The following ADGRL4 variants were observed in gnomAD, a reference collection of about 807,000 sequenced individuals.
ADGRL4 encodes EGF, latrophilin and seven transmembrane domain containing 1.
Under a neutral mutation model 74.8 loss-of-function variants are expected in ADGRL4, and 90 were observed. That is an observed-to-expected ratio of 1.20 (90% CI 1.02 to 1.43). The LOEUF (loss-of-function observed/expected upper bound fraction) is 1.43, where lower values mean the gene tolerates loss of function less well. Among genes scored for constraint, ADGRL4 ranks in the 40% most tolerant of loss-of-function variants. The pLI is 0.00. For missense variants in ADGRL4, 881 were observed against 814.3 expected, an observed-to-expected ratio of 1.08 and a Z score of -1.00; for synonymous variants, 311 against 279.2, an observed-to-expected ratio of 1.11 and a Z score of -1.14.
At chr1:78,975,008 T>C (rs1570266017) in intron 2 of ADGRL4, among the ~76,000 whole-genome samples, 1 of 152,166 alleles carries the variant, frequency 6.6e-6, no homozygotes, top group Non-Finnish European at 1.5e-5. Flanking sequence ...CATAGTTACC[T>C]GTTTCATATG....
intron 3 of ADGRL4, among the ~76,000 whole-genome samples, chr1:78,942,296 T>C (rs892221866): frequency 1.3e-5 from 2 of 151,950 alleles, no homozygotes; most frequent in East Asian, 3.9e-4. Flanking sequence ...CACCTGATAC[T>C]GTAACTGGAA....
chr1:78,994,171 T>C (rs1650669794), intron 2 of ADGRL4, among the ~76,000 whole-genome samples: 1 of 152,170 alleles, frequency 6.6e-6, no homozygotes, highest in Admixed American at 6.5e-5. Context: ...AACAAAGATA[T>C]TACAGAGCAA....
chr1:78,915,317 T>TA (rs769248994), intron 12 of ADGRL4, among the ~76,000 whole-genome samples: 1 of 151,968 alleles, frequency 6.6e-6, no homozygotes, highest in Admixed American at 6.6e-5. Flanking sequence ...CAAACTCTCA[T>TA]AAAAAATGCT....
chr1:79,003,401 C>A (rs77439574), intron 2 of ADGRL4, among the ~76,000 whole-genome samples: 1 of 150,158 alleles, frequency 6.7e-6, no homozygotes, highest in Non-Finnish European at 1.5e-5. Context: ...TTTTTTTAAA[C>A]AGAAAGGGAA....
intron 2 of ADGRL4, among the ~76,000 whole-genome samples, chr1:78,963,684 G>A (rs1649999156): frequency 6.6e-6 from 1 of 152,014 alleles, no homozygotes; most frequent in African/African-American, 2.4e-5. Context: ...CACATCATTA[G>A]TCTTGTGACA....
At chr1:78,968,724 T>C (rs1650109869) in intron 2 of ADGRL4, among the ~76,000 whole-genome samples, 1 of 152,188 alleles carries the variant, frequency 6.6e-6, no homozygotes, top group African/African-American at 2.4e-5. Context: ...GTGTACTTTA[T>C]TCATCTGTCA....
chr1:78,955,501 A>G (rs1436322456), intron 2 of ADGRL4, among the ~76,000 whole-genome samples: 1 of 152,016 alleles, frequency 6.6e-6, no homozygotes, highest in Non-Finnish European at 1.5e-5. Context: ...ATTATAAACC[A>G]TTTATACTCC....
intron 3 of ADGRL4, 39 bp from the exon 4 acceptor site, chr1:78,939,297 A>G: frequency 1.3e-5 from 19 of 1,506,752 alleles, no homozygotes; most frequent in Non-Finnish European, 1.7e-5. Flanking sequence ...TCAGTTTTAA[A>G]AAGTATTTTT....
chr1:78,934,088 T>G (rs1649301370), intron 7 of ADGRL4, among the ~76,000 whole-genome samples: 3 of 152,146 alleles, frequency 2.0e-5, no homozygotes, highest in African/African-American at 7.2e-5. Flanking sequence ...AAATTTCATA[T>G]GGAATCAAAG....
Position 78,917,671 on chromosome 1 carries a change from A to G in ADGRL4, c.1712T>C (p.Ile571Thr). The G allele has an allele frequency of 1.2e-6, 2 of 1,607,352 alleles. No individual in the cohort carries two copies. The highest frequency in any genetic ancestry group is 1.7e-6 in the Non-Finnish European group (2 of 1,176,674). ...GCATGCTGGTCCTATAAAACTCCAAATAAAGTTGTTTTCGGTGCTAAGCCA... is the reference window on the plus strand; with the variant it reads ...GCATGCTGGTCCTATAAAACTCCAAGTAAAGTTGTTTTCGGTGCTAAGCCA... ...VCWLSTENNFIWSFIGPACLI... is the reference protein window; with the variant it reads ...VCWLSTENNFTWSFIGPACLI... The change falls in exon 12 of 15, where the codon ATT (isoleucine) becomes ACT (threonine). Residue 571 changes from isoleucine (I) to threonine (T), a missense_variant. Coordinates refer to ENST00000370742, the MANE Select transcript of ADGRL4 (RefSeq NM_022159.4).
At chr1:78,897,947 AG>A (rs1232572229) in intron 12 of ADGRL4, among the ~76,000 whole-genome samples, 1 of 152,150 alleles carries the variant, frequency 6.6e-6, no homozygotes, top group African/African-American at 2.4e-5. Context: ...ACAGTGTCAA[AG>A]CTTTAAATAA....
At chr1:79,001,132 G>A (rs939704296) in intron 2 of ADGRL4, among the ~76,000 whole-genome samples, 1 of 141,822 alleles carries the variant, frequency 7.1e-6, no homozygotes, top group African/African-American at 2.6e-5. Context: ...AAGAAGCAAG[G>A]AAGGGAAGGA....
chr1:78,976,002 A>G (rs1650270175), intron 2 of ADGRL4, among the ~76,000 whole-genome samples: 1 of 152,054 alleles, frequency 6.6e-6, no homozygotes, highest in Admixed American at 6.6e-5. Context: ...AAGTTTAAAA[A>G]ATGAGATAAA....
Position 79,006,729 on chromosome 1 carries a change from C to T in ADGRL4, c.-75G>A. 2 of 1,388,378 alleles carry T rather than the reference C, an allele frequency of 1.4e-6. No individual in the cohort carries two copies. Among genetic ancestry groups the T allele is most frequent in the Non-Finnish European group, 1.9e-6 (2 of 1,068,914 alleles). 86.0% of individuals were successfully genotyped at this position (1,388,378 alleles called of 1,614,324 possible). On this transcript the variant is annotated 5_prime_UTR_variant, in exon 1 of 15. Coordinates refer to ENST00000370742, the MANE Select transcript of ADGRL4 (RefSeq NM_022159.4). ...GCGGCTGTGGACCCGGGACCGGGCG[C>T]CGCTGGGCGGGCGCGGCAGGGTCCC...
chr1:78,977,268 C>T (rs1171729914), intron 2 of ADGRL4, among the ~76,000 whole-genome samples: 1 of 151,748 alleles, frequency 6.6e-6, no homozygotes, highest in Non-Finnish European at 1.5e-5. Context: ...TAGAAGGAAA[C>T]TTTACCAAAG....
At chr1:78,989,400 C>G (rs960319049) in intron 2 of ADGRL4, among the ~76,000 whole-genome samples, 1 of 151,668 alleles carries the variant, frequency 6.6e-6, no homozygotes, top group Non-Finnish European at 1.5e-5. Flanking sequence ...GTGATTGGTA[C>G]AAAGGAAATT....
At chr1:78,974,506 A>G (rs1650238837) in intron 2 of ADGRL4, among the ~76,000 whole-genome samples, 1 of 152,188 alleles carries the variant, frequency 6.6e-6, no homozygotes, top group African/African-American at 2.4e-5. Flanking sequence ...CTCAGTTACC[A>G]TATTATTTTC....
chr1:78,971,010 C>T (rs115025938), intron 2 of ADGRL4, among the ~76,000 whole-genome samples: 1 of 152,130 alleles, frequency 6.6e-6, no homozygotes, highest in Non-Finnish European at 1.5e-5. Flanking sequence ...CATCCTTACC[C>T]CTCCCCTTGT....
intron 7 of ADGRL4, among the ~76,000 whole-genome samples, chr1:78,933,573 T>A (rs1219003917): frequency 6.6e-6 from 1 of 151,390 alleles, no homozygotes; most frequent in African/African-American, 2.5e-5. Context: ...TTGGGAGTTC[T>A]GGCCAGGGCA....
Sources: gnomAD v4.1 joint callset for allele counts (sites outside exome capture counted in the v4.1 genomes callset) on GRCh38, gnomAD v4.1.1 for gene constraint, MANE v1.5 for transcripts, NCBI Gene and HGNC (gene_info 2026-07-23, HGNC 2026-07-21) for gene names.